GPC5: variants seen among roughly 807,000 people sequenced by gnomAD.
The protein encoded by GPC5 is glypican-5.
Under a neutral mutation model 53.9 loss-of-function variants are expected in GPC5, and 47 were observed. That is an observed-to-expected ratio of 0.87 (90% confidence interval 0.69 to 1.11). The LOEUF (loss-of-function observed/expected upper bound fraction) is 1.11, where lower values mean the gene tolerates loss of function less well. Ranked by LOEUF, GPC5 falls within the 50% of genes most tolerant of loss-of-function variation. GPC5 has a pLI of 0.00. For missense variants in GPC5, 748 were observed against 713.1 expected (o/e 1.05, Z -0.56); for synonymous variants, 286 against 263.3 (o/e 1.09, Z -0.84).
intron 7 of GPC5, among the ~76,000 whole-genome samples, chr13:92,341,099 A>C (rs920820213): frequency 1.3e-5 from 2 of 152,150 alleles, no homozygotes; most frequent in African/African-American, 4.8e-5. Flanking sequence ...TTTTTATTTT[A>C]GTTTCAGGAA....
chr13:91,649,497 C>T (rs994068605), intron 2 of GPC5, among the ~76,000 whole-genome samples: 3 of 152,176 alleles, frequency 2.0e-5, no homozygotes, highest in African/African-American at 7.2e-5. Context: ...CTAGTTGCCT[C>T]TTTCTGATAT....
chr13:92,213,956 A>C (rs1888545), intron 7 of GPC5, among the ~76,000 whole-genome samples: 34,933 of 152,112 alleles, frequency 0.23, 4,179 homozygotes, highest in African/African-American at 0.27. Context: ...TTTCCATTTA[A>C]AAAACATTTT....
chr13:91,915,422 CT>C (rs538899387), intron 6 of GPC5, among the ~76,000 whole-genome samples: 178 of 149,416 alleles, frequency 1.2e-3, no homozygotes, highest in African/African-American at 3.7e-3. Context: ...AGTTTGAGAA[CT>C]TTTTTTTTTA....
chr13:92,399,910 A>G (rs939323599), intron 7 of GPC5, among the ~76,000 whole-genome samples: 1 of 152,204 alleles, frequency 6.6e-6, no homozygotes, highest in Non-Finnish European at 1.5e-5. Flanking sequence ...TTGACATAGC[A>G]GCTCATTCCT....
At chr13:92,604,432 A>G (rs2139085723) in intron 7 of GPC5, among the ~76,000 whole-genome samples, 2 of 152,346 alleles carry the variant, frequency 1.3e-5, no homozygotes, top group South Asian at 4.1e-4. Context: ...TTGTGAATTA[A>G]CAAACCAAAT....
intron 5 of GPC5, among the ~76,000 whole-genome samples, chr13:91,826,932 AG>A (rs897563605): frequency 1.3e-5 from 2 of 152,000 alleles, no homozygotes; most frequent in Non-Finnish European, 2.9e-5. Flanking sequence ...GAGGCAGGAA[AG>A]GGGAGTGGGG....
At chr13:92,129,459 A>G (rs2041726027) in intron 6 of GPC5, among the ~76,000 whole-genome samples, 1 of 152,254 alleles carries the variant, frequency 6.6e-6, no homozygotes, top group Non-Finnish European at 1.5e-5. Context: ...GCATGATACG[A>G]AAAATGTCTA....
At chr13:91,755,614 C>CT (rs2037273230) in intron 4 of GPC5, among the ~76,000 whole-genome samples, 1 of 151,904 alleles carries the variant, frequency 6.6e-6, no homozygotes, top group South Asian at 2.1e-4. Flanking sequence ...TGAATTTTTC[C>CT]TCTGATAATT....
chr13:91,914,280 C>T (rs1256638085), intron 6 of GPC5, among the ~76,000 whole-genome samples: 3 of 152,072 alleles, frequency 2.0e-5, no homozygotes, highest in Non-Finnish European at 4.4e-5. Context: ...AAAGTAATAT[C>T]ACAGCAATTT....
intron 6 of GPC5, among the ~76,000 whole-genome samples, chr13:92,118,157 T>C (rs1319488923): frequency 6.6e-6 from 1 of 152,052 alleles, no homozygotes; most frequent in Non-Finnish European, 1.5e-5. Context: ...TTGCTGAGAG[T>C]TTTTATAAAG....
At chr13:91,716,751 C>A (rs1311522727) in intron 3 of GPC5, among the ~76,000 whole-genome samples, 1 of 152,108 alleles carries the variant, frequency 6.6e-6, no homozygotes, top group East Asian at 1.9e-4. Flanking sequence ...ATGACAAAGG[C>A]AGAAAAACTT....
intron 6 of GPC5, among the ~76,000 whole-genome samples, chr13:91,992,892 G>A (rs2040470145): frequency 6.6e-6 from 1 of 152,140 alleles, no homozygotes; most frequent in Non-Finnish European, 1.5e-5. Flanking sequence ...CTAGGGAACT[G>A]TTTCATTCAT....
At chr13:92,638,308 TAAATA>T (rs1406420072) in intron 7 of GPC5, among the ~76,000 whole-genome samples, 1 of 152,008 alleles carries the variant, frequency 6.6e-6, no homozygotes, top group East Asian at 1.9e-4. Flanking sequence ...AAAAAATAAA[TAAATA>T]AAATGAGGCA....
In GPC5 at chr13:92,358,904, C is replaced by T. The variant is rs183415718; in HGVS notation, c.1561+213915C>T. ...GAAGGTCTTTGAAATGATTTCAAGG[C>T]ATTTTTTTTTCATTGTCTTGGCTAT... On this transcript the variant is annotated intron_variant, in intron 7 of 7. Transcript: ENST00000377067. 2.2e-4 allele frequency among the ~76,000 whole-genome samples: 34 copies of T among 151,612 alleles called. No homozygotes were observed. In the South Asian group the frequency reaches 6.0e-3, roughly 27 times the overall value.
intron 7 of GPC5, among the ~76,000 whole-genome samples, chr13:92,286,563 G>A (rs2042956293): frequency 6.6e-6 from 1 of 152,098 alleles, no homozygotes; most frequent in African/African-American, 2.4e-5. Flanking sequence ...CCATCAAAAA[G>A]AATGAGTTCA....
chr13:92,750,536 T>C lies in GPC5; in HGVS notation c.1562-115746T>C, dbSNP rs1380453628. On this transcript the variant is annotated intron_variant, in intron 7 of 7. Transcript: ENST00000377067. Reference sequence around the variant, plus strand: ...GCATAAGAAAAAAGAAAATAGATTATGTGCAGCTATCAACTTCTAGTGTAC... The same window carrying C: ...GCATAAGAAAAAAGAAAATAGATTACGTGCAGCTATCAACTTCTAGTGTAC... 3.3e-5 allele frequency among the ~76,000 whole-genome samples: 5 copies of C among 152,164 alleles called. No homozygotes were observed. In the South Asian group the frequency reaches 1.0e-3, roughly 31 times the overall value.
At chr13:92,312,732 G>A (rs867476425) in intron 7 of GPC5, among the ~76,000 whole-genome samples, 4 of 152,094 alleles carry the variant, frequency 2.6e-5, no homozygotes, top group African/African-American at 9.7e-5. Flanking sequence ...AATTGTCTGT[G>A]AGTGTAATTT....
chr13:91,456,347 C>CT (rs1393992285), intron 2 of GPC5, among the ~76,000 whole-genome samples: 39 of 148,548 alleles, frequency 2.6e-4, no homozygotes, highest in South Asian at 6.4e-4. Context: ...CAAATGTTAA[C>CT]TTTTTTTTTT....
intron 7 of GPC5, among the ~76,000 whole-genome samples, chr13:92,352,288 G>A (rs530527174): frequency 2.0e-5 from 3 of 152,004 alleles, no homozygotes; most frequent in Non-Finnish European, 4.4e-5. Context: ...GTCAAAAAAC[G>A]TGGCTAAAAA....
Sources: gnomAD v4.1 joint callset for allele counts (sites outside exome capture counted in the v4.1 genomes callset) on GRCh38, gnomAD v4.1.1 for gene constraint, MANE v1.5 for transcripts, NCBI Gene and HGNC (gene_info 2026-07-23, HGNC 2026-07-21) for gene names.